Variants in UBXN7 observed in about 807,000 individuals in gnomAD.
The protein encoded by UBXN7 is UBX domain-containing protein 7.
A neutral mutation model predicts 58.0 loss-of-function variants in UBXN7; 9 were observed. The observed-to-expected ratio is 0.16, with a 90% CI of 0.09 to 0.27. The LOEUF (loss-of-function observed/expected upper bound fraction) is 0.27. UBXN7 is among the 10% of genes least tolerant of loss of function. The pLI is 1.00. For synonymous variants in UBXN7, 208 were observed against 205.0 expected, an observed-to-expected ratio of 1.01 and a Z score of -0.12; for missense variants, 328 against 599.6, an observed-to-expected ratio of 0.55 and a Z score of 4.73.
At chr3:196,364,917 A>G (rs1577434604) in intron 8 of UBXN7, among the ~76,000 whole-genome samples, 1 of 152,262 alleles carries the variant, frequency 6.6e-6, no homozygotes, top group East Asian at 1.9e-4. Flanking sequence ...AAAAGCAAGT[A>G]GAGGTGTCTA....
At position 196,356,456 on chromosome 3, in the gene UBXN7, G is replaced by A. The variant is rs898733459; in HGVS notation, c.*229C>T. The A allele has an allele frequency of 4.6e-5, 19 of 414,360 alleles. No individual in the cohort carries two copies. Among genetic ancestry groups the A allele is most frequent in the Middle Eastern group, 6.1e-4 (1 of 1,648 alleles). 25.7% of individuals were successfully genotyped at this position (414,360 alleles called of 1,614,324 possible). A position where few individuals can be genotyped will look rare whatever the true frequency, so the allele number is the denominator to read the frequency against. Reference sequence around the variant, plus strand: ...GTAAGAAAGAAAAGTGTGGGGGGAGGGGGAGGCAGAAGGGTACGGAGTGGG... The same window carrying A: ...GTAAGAAAGAAAAGTGTGGGGGGAGAGGGAGGCAGAAGGGTACGGAGTGGG... On this transcript the variant is annotated 3_prime_UTR_variant, in exon 11 of 11. Transcript: ENST00000296328.
intron 5 of UBXN7, among the ~76,000 whole-genome samples, chr3:196,383,089 C>A (rs2108840248): frequency 6.7e-6 from 1 of 150,372 alleles, no homozygotes; most frequent in East Asian, 2.0e-4. Context: ...GCACTCCAGC[C>A]TGGGCCACAA....
In UBXN7 at chr3:196,356,884, A is replaced by C. The variant is rs1728365623; in HGVS notation, c.1309-38T>G. 5.0e-6 allele frequency: 8 copies of C among 1,585,706 alleles called. No individual in the cohort carries two copies. In the East Asian group the frequency reaches 1.8e-4, roughly 36 times the overall value. ...GAGAAAGACAAAGCCATTAGACGGA[A>C]AAAGAGGAAAGAGCATATTAGTGAA... On this transcript the variant is annotated intron_variant, in intron 10 of 10. Transcript: ENST00000296328.
rs537517207 is a variant in UBXN7 at position 196,348,079 on chromosome 3, T to C, written c.*8606A>G. 1 of 152,148 alleles carries C rather than the reference T, an allele frequency of 6.6e-6. No individual in the cohort carries two copies. Among genetic ancestry groups the C allele is most frequent in the South Asian group, 2.1e-4 (1 of 4,820 alleles). 9.4% of individuals were successfully genotyped at this position (152,148 alleles called of 1,614,324 possible). ...TAGAGCAAGTGGAAGTTCCATTGAG[T>C]CTTAGCCAGTAGTTACAACTCTGCG... On this transcript the variant is annotated 3_prime_UTR_variant, in exon 11 of 11. Transcript: ENST00000296328.
chr3:196,407,124 T>C, intron 2 of UBXN7, 122 bp downstream of exon 2: 3 of 1,392,558 alleles, frequency 2.2e-6, no homozygotes, highest in Non-Finnish European at 2.9e-6. Flanking sequence ...ACTTCATACT[T>C]TTTCAGAGGC....
chr3:196,417,064 A>G (rs1480171329), intron 1 of UBXN7, among the ~76,000 whole-genome samples: 1 of 152,234 alleles, frequency 6.6e-6, no homozygotes, highest in Non-Finnish European at 1.5e-5. Flanking sequence ...CTGTAATCCC[A>G]GAACTTTGGG....
chr3:196,411,134 A>G (rs974413987), intron 1 of UBXN7, among the ~76,000 whole-genome samples: 21 of 152,174 alleles, frequency 1.4e-4, no homozygotes, highest in Non-Finnish European at 2.4e-4. Context: ...CCATGGATAT[A>G]CTACTAGTAA....
In UBXN7 at chr3:196,356,747, T is replaced by G. The variant is rs756804685; in HGVS notation, c.1408A>C (p.Ile470Leu). Residue 470 changes from isoleucine to leucine, a missense_variant, in exon 11 of 11, where the codon ATT becomes CTT. This residue lies in a region of UBXN7 where 30 missense variants were observed against 94.8 expected (regional missense o/e 0.32). Transcript: ENST00000296328. ...RRKLSHLDYDITLQEAGLCPQ... is the reference protein window; with the variant it reads ...RRKLSHLDYDLTLQEAGLCPQ... ...CAAAGGCCTGCCTCTTGCAATGTAA[T>G]ATCATAGTCCAGATGAGATAATTTC... is the stretch of plus-strand genomic sequence containing the variant. 2.0e-5 allele frequency: 32 copies of G among 1,612,782 alleles called. No homozygotes were observed. The highest frequency in any genetic ancestry group is 2.7e-5 in the Non-Finnish European group (32 of 1,179,762).
chr3:196,427,053 T>C (rs1485221193), intron 1 of UBXN7, among the ~76,000 whole-genome samples: 2 of 152,164 alleles, frequency 1.3e-5, no homozygotes, highest in Non-Finnish European at 2.9e-5. Flanking sequence ...AGTAACCTCT[T>C]GTACTCTTCT....
chr3:196,366,460 G>GTT (rs879756127), intron 8 of UBXN7, among the ~76,000 whole-genome samples: 1 of 145,968 alleles, frequency 6.9e-6, no homozygotes, highest in Admixed American at 6.9e-5. Flanking sequence ...AGGCTAGCAA[G>GTT]TTTTTTTTTT....
At chr3:196,386,798 C>A (rs7374841) in intron 5 of UBXN7, among the ~76,000 whole-genome samples, 79,985 of 151,918 alleles carry the variant, frequency 0.53, 21,496 homozygotes, top group East Asian at 0.9. Flanking sequence ...AAAGTAATTT[C>A]TAGATTCAAT....
chr3:196,422,171 G>C (rs1577479800), intron 1 of UBXN7, among the ~76,000 whole-genome samples: 1 of 151,944 alleles, frequency 6.6e-6, no homozygotes, highest in East Asian at 1.9e-4. Flanking sequence ...CTGCACTCCA[G>C]CCTGGGTGAC....
chr3:196,429,281 C>T (rs1041103397), intron 1 of UBXN7, among the ~76,000 whole-genome samples: 40 of 151,442 alleles, frequency 2.6e-4, no homozygotes, highest in Non-Finnish European at 1.9e-4. Flanking sequence ...GAGCCAACAT[C>T]ACGCCACTGC....
intron 9 of UBXN7, 44 bp from the exon 10 acceptor site, chr3:196,361,967 G>A (rs758630431): frequency 2.7e-6 from 4 of 1,495,418 alleles, no homozygotes; most frequent in Non-Finnish European, 2.8e-6. Context: ...GGATACAGGA[G>A]TTTAAGACAG....
intron 5 of UBXN7, among the ~76,000 whole-genome samples, chr3:196,388,679 C>T (rs1442833942): frequency 1.3e-5 from 2 of 152,174 alleles, no homozygotes; most frequent in Non-Finnish European, 2.9e-5. Flanking sequence ...GCCTGTAAAA[C>T]TGTGGCTCAC....
chr3:196,426,677 C>T (rs1433980537), intron 1 of UBXN7, among the ~76,000 whole-genome samples: 1 of 151,858 alleles, frequency 6.6e-6, no homozygotes, highest in Non-Finnish European at 1.5e-5. Context: ...GGAGAAACCC[C>T]GTCTCTACTA....
chr3:196,425,163 T>C (rs1314142806), intron 1 of UBXN7, among the ~76,000 whole-genome samples: 4 of 152,192 alleles, frequency 2.6e-5, no homozygotes, highest in Non-Finnish European at 4.4e-5. Flanking sequence ...ACCTTTCTGC[T>C]ATTCCATACC....
At chr3:196,360,911 G>C (rs112640601) in intron 10 of UBXN7, among the ~76,000 whole-genome samples, 1 of 152,134 alleles carries the variant, frequency 6.6e-6, no homozygotes, top group Non-Finnish European at 1.5e-5. Flanking sequence ...GGTGAGGCAG[G>C]AGGATCACTT....
chr3:196,414,441 T>C (rs56054541), intron 1 of UBXN7, among the ~76,000 whole-genome samples: 3,226 of 152,280 alleles, frequency 0.021, 111 homozygotes, highest in African/African-American at 0.072. Context: ...ATTGAAAAAG[T>C]TTTAATCCAT....
Sources: allele counts gnomAD v4.1 joint callset (sites outside exome capture counted in the v4.1 genomes callset), GRCh38; gene constraint gnomAD v4.1.1; regional missense constraint gnomAD v4.1.1; transcripts MANE v1.5; gene names NCBI Gene and HGNC (gene_info 2026-07-23, HGNC 2026-07-21).